The following LILRB4 variants were observed in gnomAD, a reference collection of about 807,000 sequenced individuals.
LILRB4 encodes leukocyte immunoglobulin like receptor B4.
Under a neutral mutation model 55.2 loss-of-function variants are expected in LILRB4, and 49 were observed. The observed-to-expected ratio is 0.89, with a 90% confidence interval of 0.71 to 1.13. The LOEUF is 1.13. Ranked by LOEUF, LILRB4 falls within the 50% of genes most tolerant of loss-of-function variation. The pLI is 0.00. For synonymous variants in LILRB4, 229 were observed against 213.8 expected (o/e 1.07, Z -0.62); for missense variants, 590 against 555.2 (o/e 1.06, Z -0.63).
chr19:54,667,904 C>T (rs773259841), exon 12 of LILRB4: 3 of 1,611,660 alleles, frequency 1.9e-6, no homozygotes, highest in African/African-American at 2.7e-5. Flanking sequence ...CAGGATGTGA[C>T]CTACGCCCGG....
chr19:54,667,497 AC>A (rs1193154728), intron 10 of LILRB4, 137 bp from the exon 11 acceptor site: 1 of 1,469,764 alleles, frequency 6.8e-7, no homozygotes, highest in Non-Finnish European at 9.1e-7. Flanking sequence ...GAGCGGCCAG[AC>A]CCTCCACGGC....
rs977818340 is a variant in LILRB4, at chr19:54,663,400, C to A, written c.35-132C>A. On this transcript the variant is annotated intron_variant, in intron 1 of 11. Coordinates refer to ENST00000430952, the Ensembl canonical transcript of LILRB4. ...GGCGGAGCTTGCAGTGAGCCAAGATCGCACCACCGCACTCCAGCCTGGGTG... is the reference window on the plus strand; with the variant it reads ...GGCGGAGCTTGCAGTGAGCCAAGATAGCACCACCGCACTCCAGCCTGGGTG... 34 of 1,328,608 alleles carry A rather than the reference C, an allele frequency of 2.6e-5. No homozygotes were observed. In the African/African-American group the frequency reaches 3.3e-4, roughly 13 times the overall value. The allele number at this position is 1,328,608 out of a possible 1,614,324, so 82.3% of individuals were successfully genotyped here.
exon 4 of LILRB4, chr19:54,664,228 T>C (rs748923627): frequency 1.2e-6 from 2 of 1,614,134 alleles, no homozygotes; most frequent in Admixed American, 1.7e-5. Flanking sequence ...CCGAGTCCTC[T>C]TGTGACCTCA....
Position 54,666,574 on chromosome 19 carries a change from C to T in LILRB4, c.989-123C>T, listed in dbSNP as rs1328935503. ...GGTCTGAACCCACATTGTGGGACCT[C>T]GGGGACATCACAGCCCCTCCCTGCG... On this transcript the variant is annotated intron_variant, in intron 9 of 11. Coordinates refer to ENST00000430952, the Ensembl canonical transcript of LILRB4. The surrounding 1 kb of genome is among the most constrained non-coding windows in gnomAD (Gnocchi z 4.8). 9.1e-6 allele frequency: 13 copies of T among 1,423,818 alleles called. No homozygotes were observed. Among genetic ancestry groups the T allele is most frequent in the East Asian group, 2.3e-5 (1 of 43,886 alleles). The allele number at this position is 1,423,818 out of a possible 1,614,324, so 88.2% of individuals were successfully genotyped here.
Position 54,666,563 on chromosome 19 carries a change from T to A in LILRB4, c.988+127T>A, listed in dbSNP as rs8101621. 6.6e-5 allele frequency: 94 copies of A among 1,426,854 alleles called. No homozygotes were observed. Among genetic ancestry groups the A allele is most frequent in the Non-Finnish European group, 8.8e-5 (90 of 1,023,898 alleles). 88.4% of individuals were successfully genotyped at this position (1,426,854 alleles called of 1,614,324 possible). The stretch of plus-strand genomic sequence containing the variant: ...CAGGGAGAAGTGGTCTGAACCCACA[T>A]TGTGGGACCTCGGGGACATCACAGC... On this transcript the variant is annotated intron_variant, in intron 9 of 11. Transcript: ENST00000430952. The surrounding 1 kb of genome is among the most constrained non-coding windows in gnomAD (Gnocchi z 4.8).
Position 54,666,303 on chromosome 19 carries a change from G to A in LILRB4, c.938G>A (p.Gly313Asp), listed in dbSNP as rs1187866783. The A allele has an allele frequency of 5.6e-6, 9 of 1,610,156 alleles. No individual in the cohort carries two copies. The highest frequency in any genetic ancestry group is 7.6e-6 in the Non-Finnish European group (9 of 1,177,860). ...GCCGAGCCAGAGCCCAAGGACGGGG[G>A]CCTACAGAGGAGGTAATTCTGCCCA... Residue 313 changes from glycine to aspartate, a missense_variant, in exon 8 of 12, where the codon GGC becomes GAC. Physicochemically the swap from Gly to Asp is moderately conservative, Grantham distance 94. Coordinates refer to ENST00000430952, the Ensembl canonical transcript of LILRB4. The surrounding 1 kb of genome is among the most constrained non-coding windows in gnomAD (Gnocchi z 4.8).
intron 2 of LILRB4, 70 bp from the exon 3 acceptor site, chr19:54,663,684 T>C: frequency 1.2e-6 from 2 of 1,606,572 alleles, no homozygotes; most frequent in South Asian, 1.1e-5. Context: ...GACGGGGGGG[T>C]CCTGGGGCTG....
chr19:54,663,419 C>A lies in LILRB4; in HGVS notation c.35-113C>A, dbSNP rs188158519. On this transcript the variant is annotated intron_variant, in intron 1 of 11. Transcript: ENST00000430952. The stretch of plus-strand genomic sequence containing the variant: ...CAAGATCGCACCACCGCACTCCAGC[C>A]TGGGTGACAGCGAGACTCCGTCTCA... The A allele has an allele frequency of 6.9e-4, 952 of 1,385,240 alleles. 3 individuals carry two copies. The African/African-American group carries it at 0.014, about 20-fold the overall frequency. 85.8% of individuals were successfully genotyped at this position (1,385,240 alleles called of 1,614,324 possible).
Position 54,666,564 on chromosome 19 carries a change from T to A in LILRB4, c.988+128T>A. ...AGGGAGAAGTGGTCTGAACCCACAT[T>A]GTGGGACCTCGGGGACATCACAGCC... On this transcript the variant is annotated intron_variant, in intron 9 of 11. Coordinates refer to ENST00000430952, the Ensembl canonical transcript of LILRB4. The surrounding 1 kb of genome is among the most constrained non-coding windows in gnomAD (Gnocchi z 4.8). 2 of 1,433,274 alleles carry A rather than the reference T, an allele frequency of 1.4e-6. No homozygotes were observed. The highest frequency in any genetic ancestry group is 1.9e-6 in the Non-Finnish European group (2 of 1,029,726). 88.8% of individuals were successfully genotyped at this position (1,433,274 alleles called of 1,614,324 possible). A position where few individuals can be genotyped will look rare whatever the true frequency, so the allele number is the denominator to read the frequency against.
chr19:54,667,608 A>G (rs1400008282), intron 10 of LILRB4, 27 bp from the exon 11 acceptor site: 1 of 1,609,734 alleles, frequency 6.2e-7, no homozygotes, highest in East Asian at 2.2e-5. Flanking sequence ...GGATTCAAGG[A>G]CACCCCCCAC....
Position 54,666,393 on chromosome 19 carries a change from CCCCAGGTCCAG to C in LILRB4, c.951_961del (p.Arg317SerfsTer3). 6.2e-7 allele frequency: 1 copy of C among 1,613,938 alleles called. No individual in the cohort carries two copies. Among genetic ancestry groups the C allele is most frequent in the Admixed American group, 1.7e-5 (1 of 59,992 alleles). ...TGTCCCCTTACACTCCCGTATCCTC[CCCCAGGTCCAG>C]CCCAGCTGCTGACGTCCAGGGAGAA... On this transcript the variant is annotated splice_acceptor_variant and splice_polypyrimidine_tract_variant and coding_sequence_variant and intron_variant, in exon 9 of 12. Transcript: ENST00000430952. LOFTEE classifies it high-confidence loss of function. The surrounding 1 kb of genome is among the most constrained non-coding windows in gnomAD (Gnocchi z 4.8).
chr19:54,663,374 A>G (rs1433597258), intron 1 of LILRB4, among the ~76,000 whole-genome samples, 158 bp from the exon 2 acceptor site: 2 of 139,784 alleles, frequency 1.4e-5, no homozygotes, highest in African/African-American at 2.7e-5. Context: ...TGAACCCGGG[A>G]GGCGGAGCTT....
At chr19:54,664,236 T>C in exon 4 of LILRB4, 1 of 1,614,058 alleles carries the variant, frequency 6.2e-7, no homozygotes, top group Non-Finnish European at 8.5e-7. Context: ...TCTTGTGACC[T>C]CAGGAAAGAG....
chr19:54,666,852 G>A lies in LILRB4; in HGVS notation c.1041+103G>A, dbSNP rs41308756. 6.0e-3 allele frequency: 6,802 copies of A among 1,140,594 alleles called. 33 individuals are homozygous for A. The highest frequency in any genetic ancestry group is 7.8e-3 in the Non-Finnish European group (5,837 of 749,118). The allele number at this position is 1,140,594 out of a possible 1,614,324, so 70.7% of individuals were successfully genotyped here. On this transcript the variant is annotated intron_variant, in intron 10 of 11. Transcript: ENST00000430952. This position sits in a 1 kb window ranked among gnomAD's most constrained non-coding sequence, Gnocchi z 4.8. ...TTCCCCCGGCTCTCAGCATCGTCAC[G>A]GTGGACCCCTCCTTGTCCAGCACGC...
chr19:54,667,368 G>A (rs980420836), intron 10 of LILRB4: 1 of 660,558 alleles, frequency 1.5e-6, no homozygotes, highest in Non-Finnish European at 2.6e-6. Flanking sequence ...CCTGCAGGCA[G>A]AGGAAACAGC....
In LILRB4 at chr19:54,666,510, G is replaced by C; in HGVS notation, c.988+74G>C. The stretch of plus-strand genomic sequence containing the variant: ...AAAATTTCAATAGCAATGGGGGCAG[G>C]AGCACAGGCTAGGATTGGTCAGGGA... On this transcript the variant is annotated intron_variant, in intron 9 of 11. Coordinates refer to ENST00000430952, the Ensembl canonical transcript of LILRB4. The surrounding 1 kb of genome is among the most constrained non-coding windows in gnomAD (Gnocchi z 4.8). The C allele has an allele frequency of 6.4e-7, 1 of 1,560,906 alleles. No homozygotes were observed. Among genetic ancestry groups the C allele is most frequent in the Admixed American group, 1.7e-5 (1 of 59,026 alleles).
exon 4 of LILRB4, chr19:54,664,454 C>T (rs768951096): frequency 3.1e-6 from 5 of 1,594,188 alleles, no homozygotes; most frequent in Non-Finnish European, 4.3e-6. Context: ...TGCTGTCACA[C>T]CCCAGTGACC....
chr19:54,665,611 G>A lies in LILRB4; in HGVS notation c.758-204G>A, dbSNP rs529065963. ...AGCTCTGCCGCTTCCTGGCTGGAGG[G>A]GTCTGGGGCAGGCGATTCCCCTCTC... On this transcript the variant is annotated intron_variant, in intron 6 of 11. Transcript: ENST00000430952. The surrounding 1 kb of genome is among the most constrained non-coding windows in gnomAD (Gnocchi z 5.5). Among the ~76,000 whole-genome samples the A allele has an allele frequency of 1.3e-5, 2 of 152,254 alleles. No homozygotes were observed. Among genetic ancestry groups the A allele is most frequent in the African/African-American group, 4.8e-5 (2 of 41,544 alleles).
exon 1 of LILRB4, chr19:54,663,018 C>T (rs746440351): frequency 1.2e-6 from 2 of 1,614,052 alleles, no homozygotes; most frequent in South Asian, 2.2e-5. Flanking sequence ...AGCTGGGGCC[C>T]CTGGGAGGAG....
Sources: allele counts gnomAD v4.1 joint callset (sites outside exome capture counted in the v4.1 genomes callset), GRCh38; gene constraint gnomAD v4.1.1; non-coding constraint Gnocchi (gnomAD v3.1); transcripts MANE v1.5; gene names NCBI Gene and HGNC (gene_info 2026-07-23, HGNC 2026-07-21).